The following UBE4B variants were observed in gnomAD, a reference collection of about 807,000 sequenced individuals.
The protein encoded by UBE4B is ubiquitin conjugation factor E4 B.
In UBE4B, 27 loss-of-function variants were observed where a neutral mutation model predicts 148.1. That is an observed-to-expected ratio of 0.18 (90% CI 0.13 to 0.25). UBE4B has a LOEUF of 0.25. Ranked by LOEUF, UBE4B falls within the 10% of genes least tolerant of loss-of-function variation. The probability of loss-of-function intolerance (pLI) is 1.00; values close to 1 mark genes in which losing one functional copy is unlikely to be tolerated. For synonymous variants in UBE4B, 596 were observed against 619.3 expected (o/e 0.96, Z 0.56); for missense variants, 1,170 against 1,662.4 (o/e 0.70, Z 5.15).
chr1:10,154,198 G>A (rs887809671), intron 21 of UBE4B, among the ~76,000 whole-genome samples: 3 of 151,350 alleles, frequency 2.0e-5, no homozygotes, highest in South Asian at 2.1e-4. Context: ...AGCCAAGATC[G>A]CGCTACTGCA....
chr1:10,105,503 G>A lies in UBE4B; in HGVS notation c.581-13G>A. ...CTGTGTGTAACCTGTTCTTTGTTCT[G>A]CCTTTCCAACAGTATTCTCCGATTT... is the stretch of plus-strand genomic sequence containing the variant. On this transcript the variant is annotated splice_polypyrimidine_tract_variant and intron_variant, in intron 5 of 27. Transcript: ENST00000343090. The A allele has an allele frequency of 6.2e-7, 1 of 1,612,766 alleles. No homozygotes were observed. Among genetic ancestry groups the A allele is most frequent in the South Asian group, 1.1e-5 (1 of 91,032 alleles).
chr1:10,033,840 A>T (rs1420230309), intron 1 of UBE4B, 146 bp downstream of exon 1: 2 of 814,238 alleles, frequency 2.5e-6, no homozygotes, highest in Non-Finnish European at 3.6e-6. Flanking sequence ...TGACTCCCCG[A>T]TAGGGTCTCT....
intron 1 of UBE4B, among the ~76,000 whole-genome samples, chr1:10,053,174 A>C (rs1458837155): frequency 6.6e-6 from 1 of 151,910 alleles, no homozygotes; most frequent in Non-Finnish European, 1.5e-5. Context: ...TTTGAGTCGG[A>C]GTCTCTCTCT....
chr1:10,163,089 TG>T (rs1413518696), intron 23 of UBE4B, among the ~76,000 whole-genome samples: 2 of 151,628 alleles, frequency 1.3e-5, no homozygotes, highest in African/African-American at 4.9e-5. Flanking sequence ...GACAGAGTGT[TG>T]ATCTGTCGCC....
Position 10,103,264 on chromosome 1 carries a change from C to T in UBE4B, c.580+172C>T, listed in dbSNP as rs971615481. The T allele has an allele frequency of 5.9e-5, 32 of 541,346 alleles. No homozygotes were observed. In the South Asian group the frequency reaches 7.8e-4, roughly 13 times the overall value. The allele number at this position is 541,346 out of a possible 1,614,324, so 33.5% of individuals were successfully genotyped here. On this transcript the variant is annotated intron_variant, in intron 5 of 27. Transcript: ENST00000343090. ...TTGTTTAGCCACTTTCTTCCCTTTC[C>T]ACTGATCTTATCGATAACTTATTTT...
chr1:10,106,199 T>G lies in UBE4B; in HGVS notation c.812T>G (p.Leu271Arg). The change falls in exon 7 of 28, where the codon CTC (leucine) becomes CGC (arginine). Residue 271 changes from leucine to arginine, a missense_variant and splice_region_variant. Physicochemically the swap from Leu to Arg is moderately radical, Grantham distance 102. Coordinates refer to ENST00000343090, the MANE Select transcript of UBE4B (RefSeq NM_001105562.3). The surrounding 1 kb of genome is among the most constrained non-coding windows in gnomAD (Gnocchi z 4.2). ...CCTCCCTTTCTCAACTAATTTAGCC[T>G]CTATGAAAGTAGTCCGGCTCCCACT... ...ASFGASSLSS[L>R]YESSPAPTPS... The G allele has an allele frequency of 6.3e-7, 1 of 1,583,508 alleles. No individual in the cohort carries two copies. The highest frequency in any genetic ancestry group is 8.6e-7 in the Non-Finnish European group (1 of 1,160,522).
intron 2 of UBE4B, among the ~76,000 whole-genome samples, chr1:10,085,068 C>A (rs762941681): frequency 1.3e-5 from 2 of 152,126 alleles, no homozygotes; most frequent in African/African-American, 4.8e-5. Flanking sequence ...ATTTTGAAAT[C>A]TTTGGATTCA....
chr1:10,054,007 C>T (rs1644111733), intron 1 of UBE4B, among the ~76,000 whole-genome samples: 1 of 152,054 alleles, frequency 6.6e-6, no homozygotes. Flanking sequence ...CTTTAGATAA[C>T]TCATTTTCCT....
At position 10,123,805 on chromosome 1, in the gene UBE4B, C is replaced by T. The variant is rs563727043; in HGVS notation, c.1554+1729C>T. 9.9e-5 allele frequency among the ~76,000 whole-genome samples: 15 copies of T among 152,256 alleles called. No homozygotes were observed. In the South Asian group the frequency reaches 2.9e-3, roughly 29 times the overall value. On this transcript the variant is annotated intron_variant, in intron 10 of 27. Transcript: ENST00000343090. ...TTTTGTTTTTTGAGATGGAATTTTG[C>T]TCTTGTTGCCCAGGCCTAAGTGCAA...
Position 10,119,581 on chromosome 1 carries a change from T to C in UBE4B, c.1407T>C (p.Ala469=). Residue 469 remains alanine (A), a synonymous_variant, in exon 9 of 28, where the codon GCT becomes GCC. Transcript: ENST00000343090. ...NIRSQCISHT[A]LVLQGSLTQP... ...GCTCACAGTGCATATCCCATACTGC[T>C]TTAGTACTACAAGGCTCCCTAACAC... The C allele has an allele frequency of 6.2e-7, 1 of 1,613,544 alleles. No individual in the cohort carries two copies. The highest frequency in any genetic ancestry group is 8.5e-7 in the Non-Finnish European group (1 of 1,179,588).
chr1:10,041,820 C>T (rs1019653118), intron 1 of UBE4B, among the ~76,000 whole-genome samples: 1 of 151,936 alleles, frequency 6.6e-6, no homozygotes, highest in African/African-American at 2.4e-5. Context: ...CCTCAGCCTC[C>T]CGAGTAGCTG....
chr1:10,112,428 C>G (rs1195196308), intron 7 of UBE4B, among the ~76,000 whole-genome samples: 1 of 152,150 alleles, frequency 6.6e-6, no homozygotes, highest in African/African-American at 2.4e-5. Flanking sequence ...TAGACGGAGT[C>G]TCGCTCTGTC....
At chr1:10,091,320 T>C (rs1644843456) in intron 2 of UBE4B, among the ~76,000 whole-genome samples, 1 of 152,002 alleles carries the variant, frequency 6.6e-6, no homozygotes, top group Admixed American at 6.6e-5. Context: ...GACAAGGGAG[T>C]GTGTGAGGTT....
At chr1:10,048,863 GAGGTGAC>G (rs1270491270) in intron 1 of UBE4B, among the ~76,000 whole-genome samples, 1 of 152,216 alleles carries the variant, frequency 6.6e-6, no homozygotes, top group African/African-American at 2.4e-5. Context: ...ATGGGTTTTA[GAGGTGAC>G]AGGAAAATGT....
At chr1:10,176,627 T>C (rs1646432557) in intron 25 of UBE4B, among the ~76,000 whole-genome samples, 1 of 152,176 alleles carries the variant, frequency 6.6e-6, no homozygotes, top group Admixed American at 6.6e-5. Context: ...TGATTTGTAT[T>C]TCCCTAATGT....
intron 17 of UBE4B, among the ~76,000 whole-genome samples, chr1:10,139,903 T>C (rs918303427): frequency 5.9e-5 from 9 of 152,086 alleles, no homozygotes; most frequent in African/African-American, 2.2e-4. Context: ...TAATTTTGTA[T>C]TTTTAGTAGA....
intron 25 of UBE4B, among the ~76,000 whole-genome samples, chr1:10,175,330 GAAA>G (rs985929110): frequency 6.6e-6 from 1 of 151,812 alleles, no homozygotes; most frequent in African/African-American, 2.4e-5. Context: ...CATTAAAAAA[GAAA>G]AAAAATTCAG....
At chr1:10,159,364 T>C (rs368886550) in intron 22 of UBE4B, among the ~76,000 whole-genome samples, 11 of 152,126 alleles carry the variant, frequency 7.2e-5, no homozygotes, top group African/African-American at 2.7e-4. Context: ...TCTTGAATTA[T>C]TCTTCAAAAA....
At chr1:10,077,061 C>G (rs1644596321) in intron 2 of UBE4B, among the ~76,000 whole-genome samples, 1 of 152,058 alleles carries the variant, frequency 6.6e-6, no homozygotes, top group Non-Finnish European at 1.5e-5. Context: ...CAGCTTCTTG[C>G]AGTGCCATCT....
Sources: allele counts gnomAD v4.1 joint callset (sites outside exome capture counted in the v4.1 genomes callset), GRCh38; gene constraint gnomAD v4.1.1; non-coding constraint Gnocchi (gnomAD v3.1); transcripts MANE v1.5; gene names NCBI Gene and HGNC (gene_info 2026-07-23, HGNC 2026-07-21).